The following ANKS1B variants were observed in gnomAD, a reference collection of about 807,000 sequenced individuals.
ANKS1B encodes ankyrin repeat and sterile alpha motif domain containing 1B, also known as ankyrin repeat and sterile alpha motif domain-containing protein 1B.
A neutral mutation model predicts 148.3 loss-of-function variants in ANKS1B; 36 were observed. That is an observed-to-expected ratio of 0.24 (90% CI 0.19 to 0.32). The LOEUF (loss-of-function observed/expected upper bound fraction) is 0.32. ANKS1B is among the 10% of genes least tolerant of loss of function. The pLI is 1.00. For missense variants in ANKS1B, 1,157 were observed against 1,542.6 expected (o/e 0.75, Z 4.19); for synonymous variants, 542 against 560.8 (o/e 0.97, Z 0.47).
chr12:99,182,607 T>G (rs1368997250), intron 14 of ANKS1B, among the ~76,000 whole-genome samples: 1 of 152,204 alleles, frequency 6.6e-6, no homozygotes, highest in Non-Finnish European at 1.5e-5. Flanking sequence ...TTATGAATAG[T>G]GCTACAATAA....
chr12:99,484,661 G>C (rs2152946431), intron 10 of ANKS1B, among the ~76,000 whole-genome samples: 1 of 151,434 alleles, frequency 6.6e-6, no homozygotes, highest in African/African-American at 2.4e-5. Context: ...CATAAATCTG[G>C]GAGCTCCAGT....
intron 17 of ANKS1B, among the ~76,000 whole-genome samples, chr12:99,045,849 G>T (rs1317832434): frequency 6.6e-6 from 1 of 151,008 alleles, no homozygotes; most frequent in Non-Finnish European, 1.5e-5. Context: ...GAAGAATTCA[G>T]AAGGAGTCTG....
At chr12:98,965,406 T>A (rs1309690276) in intron 17 of ANKS1B, among the ~76,000 whole-genome samples, 7 of 152,208 alleles carry the variant, frequency 4.6e-5, no homozygotes, top group African/African-American at 1.7e-4. Context: ...CAAGTGTCAC[T>A]TATTTTTATT....
intron 17 of ANKS1B, among the ~76,000 whole-genome samples, chr12:99,022,260 C>T (rs76356404): frequency 0.02 from 3,026 of 152,170 alleles, 103 homozygotes; most frequent in African/African-American, 0.069. Context: ...TTGTGTTTTA[C>T]CATTTACCAG....
chr12:99,059,560 T>C (rs1464788984), intron 16 of ANKS1B, among the ~76,000 whole-genome samples: 2 of 151,970 alleles, frequency 1.3e-5, no homozygotes, highest in Non-Finnish European at 2.9e-5. Flanking sequence ...TTTGTTTCCA[T>C]AGCACAGAAG....
chr12:99,498,107 T>C (rs1177882251), intron 10 of ANKS1B, among the ~76,000 whole-genome samples: 1 of 152,166 alleles, frequency 6.6e-6, no homozygotes, highest in Non-Finnish European at 1.5e-5. Flanking sequence ...CTTTCTCTGC[T>C]GCAATTGTCT....
intron 16 of ANKS1B, among the ~76,000 whole-genome samples, chr12:99,070,123 G>C (rs2045792151): frequency 6.6e-6 from 1 of 152,144 alleles, no homozygotes; most frequent in South Asian, 2.1e-4. Context: ...TATTAACATA[G>C]GGGTTTGGCC....
intron 8 of ANKS1B, among the ~76,000 whole-genome samples, chr12:99,724,285 AATAACCAGTTTAGAGAGGAAC>A (rs1347710760): frequency 2.1e-4 from 32 of 152,360 alleles, no homozygotes; most frequent in African/African-American, 4.8e-4. Flanking sequence ...TGCTAACTAG[AATAACCAGTTTAGAGAGGAAC>A]ATAAATAACC....
chr12:99,233,176 A>T (rs893669980), intron 14 of ANKS1B, among the ~76,000 whole-genome samples: 6 of 152,166 alleles, frequency 3.9e-5, no homozygotes, highest in African/African-American at 9.6e-5. Flanking sequence ...GTTTCATTAT[A>T]TATATGCAAA....
intron 1 of ANKS1B, among the ~76,000 whole-genome samples, chr12:99,903,278 G>T (rs745320233): frequency 6.6e-6 from 1 of 152,170 alleles, no homozygotes; most frequent in East Asian, 1.9e-4. Context: ...AAACCAACAA[G>T]AATCACACTC....
intron 12 of ANKS1B, among the ~76,000 whole-genome samples, chr12:99,283,835 C>T (rs1197568038): frequency 6.6e-6 from 1 of 152,050 alleles, no homozygotes; most frequent in African/African-American, 2.4e-5. Context: ...CTGAATAAAC[C>T]AGGGGTAGCT....
intron 11 of ANKS1B, among the ~76,000 whole-genome samples, chr12:99,440,877 GTATCTATTTTC>G (rs2095539389): frequency 6.6e-6 from 1 of 151,802 alleles, no homozygotes; most frequent in African/African-American, 2.4e-5. Context: ...CATCTAAGTA[GTATCTATTTTC>G]AGTGAATGAG....
chr12:98,955,953 T>C (rs1166281262), intron 17 of ANKS1B, among the ~76,000 whole-genome samples: 1 of 152,230 alleles, frequency 6.6e-6, no homozygotes, highest in Non-Finnish European at 1.5e-5. Context: ...TTCCTCATAA[T>C]GTGAAGCACT....
intron 17 of ANKS1B, among the ~76,000 whole-genome samples, chr12:98,850,272 T>A (rs972541748): frequency 6.6e-6 from 1 of 152,264 alleles, no homozygotes; most frequent in South Asian, 2.1e-4. Flanking sequence ...TATCCCACAA[T>A]TGGAGACTTT....
chr12:99,411,202 G>C (rs915486067), intron 11 of ANKS1B, among the ~76,000 whole-genome samples: 4 of 152,202 alleles, frequency 2.6e-5, no homozygotes, highest in African/African-American at 9.6e-5. Context: ...AGGAGCACCA[G>C]GGTTGGGGGA....
intron 17 of ANKS1B, among the ~76,000 whole-genome samples, chr12:99,002,518 CT>C (rs2099933668): frequency 6.7e-6 from 1 of 148,154 alleles, no homozygotes; most frequent in African/African-American, 2.5e-5. Flanking sequence ...AGAACATTGG[CT>C]TTTTGATAGC....
intron 15 of ANKS1B, among the ~76,000 whole-genome samples, chr12:99,127,517 A>G (rs539444790): frequency 1.3e-5 from 2 of 152,362 alleles, no homozygotes; most frequent in South Asian, 2.1e-4. Context: ...TATCCAGTGA[A>G]AACTTATAAA....
intron 9 of ANKS1B, among the ~76,000 whole-genome samples, chr12:99,632,007 A>C (rs2098165620): frequency 1.3e-5 from 2 of 152,294 alleles, no homozygotes; most frequent in South Asian, 4.1e-4. Flanking sequence ...AGAAATCTTC[A>C]AGGCTCTCCC....
At chr12:99,571,205 C>T (rs145143299) in intron 9 of ANKS1B, among the ~76,000 whole-genome samples, 2 of 152,136 alleles carry the variant, frequency 1.3e-5, no homozygotes, top group African/African-American at 4.8e-5. Context: ...TTTACCATAA[C>T]ATGTGTATAA....
Sources: allele counts gnomAD v4.1 joint callset (sites outside exome capture counted in the v4.1 genomes callset), GRCh38; gene constraint gnomAD v4.1.1; transcripts MANE v1.5; gene names NCBI Gene and HGNC (gene_info 2026-07-23, HGNC 2026-07-21).